Variants in SCML4 observed in about 807,000 individuals in gnomAD.
SCML4 encodes the protein Scm polycomb group protein like 4.
In SCML4, 34 loss-of-function variants were observed where a neutral mutation model predicts 41.1. The observed-to-expected ratio is 0.83, with a 90% CI of 0.63 to 1.10. The LOEUF is 1.10. SCML4 is among the 50% of genes least tolerant of loss of function. The pLI is 0.00. For synonymous variants in SCML4, 214 were observed against 220.9 expected, an observed-to-expected ratio of 0.97 and a Z score of 0.28; for missense variants, 522 against 534.1, an observed-to-expected ratio of 0.98 and a Z score of 0.22.
At chr6:107,782,194 G>A (rs1011476806) in intron 1 of SCML4, among the ~76,000 whole-genome samples, 1 of 152,254 alleles carries the variant, frequency 6.6e-6, no homozygotes. Context: ...TGAAGCATGA[G>A]CAATAGGCAT....
chr6:107,823,884 T>C (rs1390235419), intron 1 of SCML4, among the ~76,000 whole-genome samples: 4 of 152,190 alleles, frequency 2.6e-5, no homozygotes, highest in Non-Finnish European at 4.4e-5. Flanking sequence ...ATAAACTATA[T>C]AATTCAATGT....
chr6:107,796,248 C>A (rs554800204), intron 1 of SCML4, among the ~76,000 whole-genome samples: 1 of 152,184 alleles, frequency 6.6e-6, no homozygotes, highest in East Asian at 1.9e-4. Flanking sequence ...AAAGAACTGC[C>A]AATTTTCCAA....
intron 1 of SCML4, among the ~76,000 whole-genome samples, chr6:107,800,248 A>C (rs780055208): frequency 6.6e-6 from 1 of 152,194 alleles, no homozygotes; most frequent in Non-Finnish European, 1.5e-5. Context: ...AAACTCCAAA[A>C]ATTGTGTTAA....
the SCML4 span, among the ~76,000 whole-genome samples, chr6:107,841,295 A>T: frequency 6.6e-6 from 1 of 152,190 alleles, no homozygotes; most frequent in Admixed American, 6.5e-5. Flanking sequence ...CCTCATTTCT[A>T]AATAAATAAA....
At chr6:107,772,008 A>G (rs1780556184) in intron 2 of SCML4, among the ~76,000 whole-genome samples, 164 bp downstream of exon 2, 1 of 152,188 alleles carries the variant, frequency 6.6e-6, no homozygotes, top group African/African-American at 2.4e-5. Flanking sequence ...GCCATGTTGT[A>G]ACAGTGAGAC....
At chr6:107,763,954 T>C (rs1225624586) in intron 2 of SCML4, among the ~76,000 whole-genome samples, 1 of 152,256 alleles carries the variant, frequency 6.6e-6, no homozygotes, top group Admixed American at 6.5e-5. Context: ...GCTTTGTCCA[T>C]GTCCCTGCCC....
intron 2 of SCML4, among the ~76,000 whole-genome samples, chr6:107,764,402 G>A (rs138967009): frequency 4.2e-4 from 64 of 152,338 alleles, no homozygotes; most frequent in African/African-American, 1.5e-3. Flanking sequence ...AGTGAAAGCA[G>A]AAGGGGATGC....
At chr6:107,705,757 ACCTTTAG>A (rs1167503641) in intron 7 of SCML4, among the ~76,000 whole-genome samples, 2 of 152,154 alleles carry the variant, frequency 1.3e-5, no homozygotes, top group Non-Finnish European at 2.9e-5. Flanking sequence ...AGGCCCACCT[ACCTTTAG>A]CTGATAACAA....
chr6:107,811,765 G>T (rs1185219597), intron 1 of SCML4, among the ~76,000 whole-genome samples: 1 of 152,144 alleles, frequency 6.6e-6, no homozygotes, highest in Non-Finnish European at 1.5e-5. Flanking sequence ...AGTGCGCAGT[G>T]GGGAAGTGAA....
chr6:107,743,733 T>C lies in SCML4; in HGVS notation c.682+1216A>G, dbSNP rs377136471. 7.9e-4 allele frequency among the ~76,000 whole-genome samples: 120 copies of C among 152,272 alleles called. 1 individual carries two copies. Among genetic ancestry groups the C allele is most frequent in the Middle Eastern group, 3.4e-3 (1 of 294 alleles). On this transcript the variant is annotated intron_variant, in intron 5 of 7. Transcript: ENST00000369020. Reference sequence around the variant, plus strand: ...ACCAACCATATTTAATTAGGTACCTTCCTTTGCAGAGGCCAAATTTCTTCC... The same window carrying C: ...ACCAACCATATTTAATTAGGTACCTCCCTTTGCAGAGGCCAAATTTCTTCC...
intron 1 of SCML4, among the ~76,000 whole-genome samples, chr6:107,778,222 A>AATATATATATATATATAT (rs1163805768): frequency 7.8e-4 from 12 of 15,358 alleles, no homozygotes; most frequent in Non-Finnish European, 1.1e-3. Context: ...AAAAAAAAAA[A>AATATATATATATATATAT]ATATATATAT....
intron 1 of SCML4, among the ~76,000 whole-genome samples, chr6:107,818,983 G>A (rs949528519): frequency 5.3e-5 from 8 of 152,166 alleles, no homozygotes; most frequent in African/African-American, 1.9e-4. Flanking sequence ...GATGACCTGT[G>A]GACAAAAGAG....
chr6:107,727,501 G>A (rs886379802), intron 5 of SCML4, among the ~76,000 whole-genome samples: 5 of 152,188 alleles, frequency 3.3e-5, no homozygotes, highest in African/African-American at 4.8e-5. Context: ...ATTACGTGCA[G>A]TCAAGTGTAA....
At chr6:107,766,364 C>T (rs1290110643) in intron 2 of SCML4, among the ~76,000 whole-genome samples, 4 of 138,928 alleles carry the variant, frequency 2.9e-5, no homozygotes, top group East Asian at 2.1e-4. Context: ...TGTGAGACTC[C>T]GTCTCAAAAA....
chr6:107,803,608 C>A (rs4273722), intron 1 of SCML4, among the ~76,000 whole-genome samples: 2 of 140,394 alleles, frequency 1.4e-5, no homozygotes, highest in African/African-American at 2.9e-5. Context: ...GGAATAGAAA[C>A]GGGGGAAAGG....
intron 1 of SCML4, among the ~76,000 whole-genome samples, chr6:107,777,769 C>T (rs986372835): frequency 6.6e-6 from 1 of 152,086 alleles, no homozygotes; most frequent in Admixed American, 6.5e-5. Flanking sequence ...ACCCTCCTTG[C>T]CACCACCTCC....
the SCML4 span, among the ~76,000 whole-genome samples, chr6:107,830,015 C>CTTCA: frequency 6.6e-6 from 1 of 152,276 alleles, no homozygotes; most frequent in East Asian, 1.9e-4. Flanking sequence ...CCATGATGGG[C>CTTCA]TTCACTATCA....
chr6:107,772,145 TTGGAGAAGGAGATGA>T lies in SCML4; in HGVS notation c.156+12_156+26del. On this transcript the variant is annotated intron_variant, in intron 2 of 7. Coordinates refer to ENST00000369020, the MANE Select transcript of SCML4 (RefSeq NM_198081.5). ...ACCCGTGCCCCAGCCCAATACCACTTTGGAGAAGGAGATGATGGAGCCGTACCTTGTACCCGGGTT... is the reference window on the plus strand; with the variant it reads ...ACCCGTGCCCCAGCCCAATACCACTTTGGAGCCGTACCTTGTACCCGGGTT... 6.5e-7 allele frequency: 1 copy of T among 1,534,000 alleles called. No individual in the cohort carries two copies. The highest frequency in any genetic ancestry group is 8.8e-7 in the Non-Finnish European group (1 of 1,138,086).
chr6:107,808,535 G>T (rs1285282304), intron 1 of SCML4, among the ~76,000 whole-genome samples: 1 of 152,126 alleles, frequency 6.6e-6, no homozygotes, highest in East Asian at 1.9e-4. Flanking sequence ...GCCTCCCAGA[G>T]TGCTGGGATT....
Sources: allele counts gnomAD v4.1 joint callset (sites outside exome capture counted in the v4.1 genomes callset), GRCh38; gene constraint gnomAD v4.1.1; transcripts MANE v1.5; gene names NCBI Gene and HGNC (gene_info 2026-07-23, HGNC 2026-07-21).